PRKG1: variants seen among roughly 807,000 people sequenced by gnomAD.
PRKG1 encodes cGMP-dependent protein kinase 1.
PRKG1 carries 35 observed loss-of-function variants against 88.1 expected under a neutral mutation model. The ratio of observed to expected loss-of-function variants is 0.40; its 90% confidence interval spans 0.30 to 0.53. PRKG1 has a LOEUF of 0.53. PRKG1 is among the 20% of genes least tolerant of loss of function. The probability of loss-of-function intolerance (pLI) is 0.59; values close to 1 mark genes in which losing one functional copy is unlikely to be tolerated. For missense variants in PRKG1, 540 were observed against 839.8 expected (o/e 0.64, Z 4.41); for synonymous variants, 303 against 292.5 (o/e 1.04, Z -0.37).
At chr10:52,159,167 A>G (rs950677077) in intron 8 of PRKG1, among the ~76,000 whole-genome samples, 1 of 151,604 alleles carries the variant, frequency 6.6e-6, no homozygotes, top group African/African-American at 2.4e-5. Flanking sequence ...TTTTATAATC[A>G]AAAATCAATT....
chr10:51,599,468 C>G (rs139970560), intron 3 of PRKG1, among the ~76,000 whole-genome samples: 86 of 152,210 alleles, frequency 5.7e-4, no homozygotes, highest in African/African-American at 2.1e-3. Context: ...TACTTTTCTT[C>G]TAATTTAATA....
rs78613136 is a variant in PRKG1, at chr10:51,497,057, G to A, written c.592+29221G>A. On this transcript the variant is annotated intron_variant, in intron 3 of 17. Transcript: ENST00000373980. Reference sequence around the variant, plus strand: ...CTTGTATTTGAAAACATGTACTTACGGAAAGATCATTTGAATGAGAGCTCT... The same window carrying A: ...CTTGTATTTGAAAACATGTACTTACAGAAAGATCATTTGAATGAGAGCTCT... Among the ~76,000 whole-genome samples the A allele has an allele frequency of 9.2e-3, 1,407 of 152,200 alleles. 9 individuals are homozygous for A. The highest frequency in any genetic ancestry group is 0.014 in the Admixed American group (210 of 15,296).
At chr10:51,547,361 G>T (rs1842466153) in intron 3 of PRKG1, among the ~76,000 whole-genome samples, 1 of 101,036 alleles carries the variant, frequency 9.9e-6, no homozygotes, top group South Asian at 3.8e-4. Context: ...TTGACTTGTG[G>T]GTTGAATCAT....
At chr10:51,170,576 C>G (rs1846678071) in intron 2 of PRKG1, among the ~76,000 whole-genome samples, 1 of 151,684 alleles carries the variant, frequency 6.6e-6, no homozygotes, top group African/African-American at 2.4e-5. Context: ...TCAGGGAAGG[C>G]CTCTGTAAGT....
intron 3 of PRKG1, among the ~76,000 whole-genome samples, chr10:51,508,299 C>G (rs1453052199): frequency 2.0e-5 from 3 of 152,110 alleles, no homozygotes; most frequent in African/African-American, 7.2e-5. Flanking sequence ...GTTTTACTTT[C>G]TATGTGAAAG....
chr10:52,006,345 C>T (rs764732069), intron 5 of PRKG1, among the ~76,000 whole-genome samples: 1 of 152,028 alleles, frequency 6.6e-6, no homozygotes, highest in African/African-American at 2.4e-5. Flanking sequence ...CATCAAGATT[C>T]AGGAGAATGT....
chr10:51,818,726 G>GCTGGATAAATTATAAAGAAAAGA (rs1554844682), intron 4 of PRKG1, among the ~76,000 whole-genome samples: 5 of 141,130 alleles, frequency 3.5e-5, no homozygotes, highest in Admixed American at 6.7e-5. Context: ...AATACCAGAG[G>GCTGGATAAATTATAAAGAAAAGA]GCCGGGCGCG....
At chr10:51,905,861 T>C (rs1399784046) in intron 4 of PRKG1, among the ~76,000 whole-genome samples, 4 of 152,168 alleles carry the variant, frequency 2.6e-5, no homozygotes, top group Non-Finnish European at 5.9e-5. Context: ...ATTCAAAATA[T>C]GTTGTTTGTT....
chr10:51,745,799 A>G (rs538197450), intron 3 of PRKG1, among the ~76,000 whole-genome samples: 2 of 152,160 alleles, frequency 1.3e-5, no homozygotes, highest in Non-Finnish European at 2.9e-5. Flanking sequence ...ATTTGAGGTC[A>G]GGAGTTTGAG....
chr10:51,089,595 AAACTTTTCACCTCATC>A (rs1564595891), intron 1 of PRKG1, among the ~76,000 whole-genome samples: 1 of 152,206 alleles, frequency 6.6e-6, no homozygotes, highest in Non-Finnish European at 1.5e-5. Flanking sequence ...ATCCTATAAA[AAACTTTTCACCTCATC>A]TAGTCATATG....
chr10:51,405,070 G>A (rs1393137223), intron 2 of PRKG1, among the ~76,000 whole-genome samples: 1 of 152,146 alleles, frequency 6.6e-6, no homozygotes, highest in African/African-American at 2.4e-5. Context: ...TCTTATATAT[G>A]TTTTGGGAAA....
At chr10:51,645,706 A>G (rs1395853973) in intron 3 of PRKG1, among the ~76,000 whole-genome samples, 1 of 152,186 alleles carries the variant, frequency 6.6e-6, no homozygotes, top group East Asian at 1.9e-4. Context: ...AGTACTCATT[A>G]TTTTCCCTTC....
chr10:51,789,096 A>G (rs1300148641), intron 3 of PRKG1, among the ~76,000 whole-genome samples: 1 of 152,210 alleles, frequency 6.6e-6, no homozygotes, highest in Non-Finnish European at 1.5e-5. Context: ...GAATTTCAGC[A>G]AATATGTAAG....
chr10:51,217,357 C>A (rs181776019), intron 2 of PRKG1, among the ~76,000 whole-genome samples: 1 of 151,928 alleles, frequency 6.6e-6, no homozygotes, highest in South Asian at 2.1e-4. Context: ...GGTTTAAGAA[C>A]GCATTACCTA....
intron 3 of PRKG1, among the ~76,000 whole-genome samples, chr10:51,762,873 T>A (rs543896300): frequency 6.6e-6 from 1 of 152,236 alleles, no homozygotes; most frequent in African/African-American, 2.4e-5. Flanking sequence ...CAGTGATTCA[T>A]GCAAAGGTAC....
Position 52,254,808 on chromosome 10 carries a change from T to C in PRKG1, c.1173+3142T>C, listed in dbSNP as rs1312016223. Among the ~76,000 whole-genome samples, 3 of 152,206 alleles carry C rather than the reference T, an allele frequency of 2.0e-5. No homozygotes were observed. The East Asian group carries it at 5.8e-4, about 29-fold the overall frequency. On this transcript the variant is annotated intron_variant, in intron 10 of 17. Transcript: ENST00000373980. The stretch of plus-strand genomic sequence containing the variant: ...GACGTGAGTACATAATTTTGCCACA[T>C]AATAAGAAACTTAAATGTGTTCAGT...
At chr10:51,206,870 T>A (rs1369375856) in intron 2 of PRKG1, among the ~76,000 whole-genome samples, 2 of 152,244 alleles carry the variant, frequency 1.3e-5, no homozygotes, top group Non-Finnish European at 2.9e-5. Context: ...AATCAAGTGA[T>A]AGTAGTGATA....
chr10:51,993,002 C>T (rs1040712001), intron 5 of PRKG1, among the ~76,000 whole-genome samples: 4 of 152,134 alleles, frequency 2.6e-5, no homozygotes, highest in East Asian at 3.9e-4. Flanking sequence ...TTCTTACTCA[C>T]GGAAGGAGAG....
rs561631982 is a variant in PRKG1 at position 52,153,196 on chromosome 10, A to G, written c.1002-8693A>G. 2.0e-5 allele frequency among the ~76,000 whole-genome samples: 3 copies of G among 152,320 alleles called. No individual in the cohort carries two copies. The South Asian group carries it at 6.2e-4, about 32-fold the overall frequency. ...AGATGTTTTTGTAAAACAAAATACA[A>G]ATGAATTGCTAGAAAAATACAAGTG... On this transcript the variant is annotated intron_variant, in intron 8 of 17. Coordinates refer to ENST00000373980, the MANE Select transcript of PRKG1 (RefSeq NM_006258.4).
Sources: gnomAD v4.1 joint callset for allele counts (sites outside exome capture counted in the v4.1 genomes callset) on GRCh38, gnomAD v4.1.1 for gene constraint, MANE v1.5 for transcripts, NCBI Gene and HGNC (gene_info 2026-07-23, HGNC 2026-07-21) for gene names.